MYH7B: variants seen among roughly 807,000 people sequenced by gnomAD.
MYH7B encodes the protein myosin-7B.
Under a neutral mutation model 234.5 loss-of-function variants are expected in MYH7B, and 205 were observed. That is an observed-to-expected ratio of 0.87 (90% CI 0.78 to 0.98). The LOEUF is 0.98. Ranked by LOEUF, MYH7B falls within the 50% of genes least tolerant of loss-of-function variation. MYH7B has a pLI of 0.00. For missense variants in MYH7B, 2,652 were observed against 2,633.4 expected (o/e 1.01, Z -0.15); for synonymous variants, 1,193 against 1,105.0 (o/e 1.08, Z -1.58).
At chr20:34,996,226 G>T (rs578054763) in intron 28 of MYH7B, 120 bp from the exon 29 acceptor site, 2 of 1,191,726 alleles carry the variant, frequency 1.7e-6, no homozygotes, top group South Asian at 2.8e-5. Context: ...GAGGCTCGGA[G>T]TCAAGTGACT....
chr20:34,985,006 G>T, intron 12 of MYH7B, 60 bp downstream of exon 12: 1 of 1,610,372 alleles, frequency 6.2e-7, no homozygotes. Context: ...GGCAGGTCGG[G>T]CACAGGTGGG....
exon 44 of MYH7B, chr20:35,001,997 A>C (rs2082398189): frequency 6.2e-7 from 1 of 1,614,038 alleles, no homozygotes; most frequent in Non-Finnish European, 8.5e-7. Flanking sequence ...GCCCAGCACG[A>C]GCTGGATGAT....
chr20:34,974,633 C>T (rs2081829379), intron 2 of MYH7B, among the ~76,000 whole-genome samples: 1 of 152,164 alleles, frequency 6.6e-6, no homozygotes, highest in Non-Finnish European at 1.5e-5. Flanking sequence ...GGTTCTGATT[C>T]TCCAGGCTAA....
chr20:35,001,920 G>A lies in MYH7B; in HGVS notation c.5677-28G>A, dbSNP rs748517907. Reference sequence around the variant, plus strand: ...GAATAAGCATCTCAGTCACCCAAGCGGAACCAAGGCCCTGTGTGTGCCCCC... The same window carrying A: ...GAATAAGCATCTCAGTCACCCAAGCAGAACCAAGGCCCTGTGTGTGCCCCC... On this transcript the variant is annotated intron_variant, in intron 43 of 44. Coordinates refer to ENST00000262873, the Ensembl canonical transcript of MYH7B. 96 of 1,602,770 alleles carry A rather than the reference G, an allele frequency of 6.0e-5. 1 individual carries two copies. The highest frequency in any genetic ancestry group is 1.9e-4 in the Admixed American group (11 of 59,280).
At position 34,986,903 on chromosome 20, in the gene MYH7B, A is replaced by G. The variant is rs201842420; in HGVS notation, c.922A>G (p.Met308Val). Reference sequence around the variant, plus strand: ...GTCCCCAGACATGCTGCTTCTGTCTATGAACCCCTATGACTACCACTTCTG... The same window carrying G: ...GTCCCCAGACATGCTGCTTCTGTCTGTGAACCCCTATGACTACCACTTCTG... The change falls in exon 15 of 45, where the codon ATG becomes GTG. Residue 308 changes from methionine to valine, a missense_variant. Around this residue, in one of 3 missense-constraint regions of MYH7B, gnomAD observed 2,279 missense variants for 2,211.4 expected, o/e 1.03. Transcript: ENST00000262873. The G allele has an allele frequency of 1.4e-5, 22 of 1,614,034 alleles. No individual in the cohort carries two copies. Among genetic ancestry groups the G allele is most frequent in the East Asian group, 1.3e-4 (6 of 44,874 alleles).
chr20:34,960,487 A>G (rs775683290), intron 2 of MYH7B, among the ~76,000 whole-genome samples: 17 of 152,322 alleles, frequency 1.1e-4, no homozygotes, highest in Non-Finnish European at 1.6e-4. Context: ...CACCCGCCTC[A>G]GCCTCCCAAA....
At chr20:34,983,363 A>T (rs1600429276) in intron 10 of MYH7B, among the ~76,000 whole-genome samples, 1 of 56,310 alleles carries the variant, frequency 1.8e-5, no homozygotes. Flanking sequence ...TTTGATTTTC[A>T]TTTCAGTTTT....
chr20:34,993,212 T>C (rs111909595), exon 25 of MYH7B: 1 of 1,613,918 alleles, frequency 6.2e-7, no homozygotes, highest in East Asian at 2.2e-5. Flanking sequence ...CAGTACCAGT[T>C]TGGCCACACC....
At chr20:34,979,616 C>G (rs199711450) in intron 6 of MYH7B, 45 bp from the exon 7 acceptor site, 1 of 1,611,790 alleles carries the variant, frequency 6.2e-7, no homozygotes, top group African/African-American at 1.3e-5. Flanking sequence ...TGAGGTCGGT[C>G]GGTTCCTCCC....
intron 5 of MYH7B, 37 bp downstream of exon 5, chr20:34,978,133 G>GAGAT (rs1191535292): frequency 6.2e-7 from 1 of 1,612,246 alleles, no homozygotes; most frequent in South Asian, 1.1e-5. Flanking sequence ...CATAGCCACA[G>GAGAT]AGATGCCCTT....
chr20:34,995,076 C>T (rs1282747379), intron 27 of MYH7B, among the ~76,000 whole-genome samples: 2 of 152,266 alleles, frequency 1.3e-5, no homozygotes, highest in African/African-American at 4.8e-5. Flanking sequence ...CAGTGAGCAG[C>T]GGGCTTCCCT....
intron 15 of MYH7B, 58 bp from the exon 16 acceptor site, chr20:34,987,091 G>C (rs1294085104): frequency 6.2e-7 from 1 of 1,610,748 alleles, no homozygotes; most frequent in Non-Finnish European, 8.5e-7. Flanking sequence ...GGCAGTGCCT[G>C]GCTGGACCCT....
At chr20:34,988,031 C>T in intron 18 of MYH7B, 61 bp from the exon 19 acceptor site, 2 of 1,580,764 alleles carry the variant, frequency 1.3e-6, no homozygotes. Flanking sequence ...CATGCCCCTC[C>T]CCGGGCCTCC....
intron 28 of MYH7B, 131 bp from the exon 29 acceptor site, chr20:34,996,214 TG>T: frequency 1.9e-6 from 2 of 1,059,760 alleles, no homozygotes; most frequent in Non-Finnish European, 2.7e-6. Context: ...GCAGAAGCGG[TG>T]GAGGCTCGGA....
chr20:34,979,512 T>G lies in MYH7B; in HGVS notation c.198+16T>G. ...AGACCAGAAGGTTCCGTTCCCCCTT[T>G]CCTGAGATTAGCCTCTCTGTCCCTA... On this transcript the variant is annotated intron_variant, in intron 6 of 44. Transcript: ENST00000262873. The G allele has an allele frequency of 6.2e-7, 1 of 1,607,616 alleles. No individual in the cohort carries two copies. Among genetic ancestry groups the G allele is most frequent in the East Asian group, 2.2e-5 (1 of 44,764 alleles).
exon 30 of MYH7B, chr20:34,996,668 A>G: frequency 6.2e-7 from 1 of 1,613,600 alleles, no homozygotes; most frequent in African/African-American, 1.3e-5. Flanking sequence ...GAGCGGGCCA[A>G]GCGCAAGCTG....
intron 14 of MYH7B, 76 bp downstream of exon 14, chr20:34,986,274 G>A (rs1172685507): frequency 3.4e-5 from 41 of 1,197,146 alleles, no homozygotes; most frequent in Non-Finnish European, 5.0e-5. Context: ...CCCCCATCAG[G>A]CCAGGCCCTG....
At chr20:34,994,266 G>A (rs376844354) in exon 27 of MYH7B, 8 of 1,612,778 alleles carry the variant, frequency 5.0e-6, no homozygotes, top group African/African-American at 2.7e-5. Context: ...CTGAGGAGGA[G>A]CTGGCGGCCC....
intron 1 of MYH7B, among the ~76,000 whole-genome samples, chr20:34,956,366 A>G (rs546592489): frequency 6.6e-6 from 1 of 152,270 alleles, no homozygotes; most frequent in South Asian, 2.1e-4. Flanking sequence ...TGTGTTTCTC[A>G]GACTCTCTTG....
Sources: allele counts gnomAD v4.1 joint callset (sites outside exome capture counted in the v4.1 genomes callset), GRCh38; gene constraint gnomAD v4.1.1; regional missense constraint gnomAD v4.1.1; transcripts MANE v1.5; gene names NCBI Gene and HGNC (gene_info 2026-07-23, HGNC 2026-07-21).